The following SLC9A9 variants were observed in gnomAD, a reference collection of about 807,000 sequenced individuals.
The protein encoded by SLC9A9 is sodium/hydrogen exchanger 9.
SLC9A9 carries 62 observed loss-of-function variants against 77.8 expected under a neutral mutation model. The observed-to-expected ratio is 0.80, with a 90% CI of 0.65 to 0.98. SLC9A9 has a LOEUF of 0.98. Ranked by LOEUF, SLC9A9 falls within the 50% of genes least tolerant of loss-of-function variation. The pLI, the probability that SLC9A9 is intolerant of heterozygous loss-of-function variation, is 0.00. For missense variants in SLC9A9, 775 were observed against 774.9 expected, an observed-to-expected ratio of 1.00 and a Z score of 0.00; for synonymous variants, 320 against 283.5, an observed-to-expected ratio of 1.13 and a Z score of -1.29.
At chr3:143,692,436 G>T (rs1019815368) in intron 5 of SLC9A9, among the ~76,000 whole-genome samples, 1 of 152,088 alleles carries the variant, frequency 6.6e-6, no homozygotes, top group Non-Finnish European at 1.5e-5. Flanking sequence ...TAATATGATT[G>T]CTAGAATTTG....
chr3:143,311,291 A>G (rs2108437494), intron 14 of SLC9A9, among the ~76,000 whole-genome samples: 1 of 152,376 alleles, frequency 6.6e-6, no homozygotes, highest in South Asian at 2.1e-4. Context: ...ACAGTTGGCC[A>G]GACTTTTCAT....
At position 143,578,886 on chromosome 3, in the gene SLC9A9, G is replaced by A. The variant is rs1309603534; in HGVS notation, c.756-163C>T. On this transcript the variant is annotated intron_variant, in intron 6 of 15. Transcript: ENST00000316549. Reference sequence around the variant, plus strand: ...CAGAAGGGGAGAGTTGGAGAATGCAGAAATCTTTCTGCTTCCTTATAGCCC... The same window carrying A: ...CAGAAGGGGAGAGTTGGAGAATGCAAAAATCTTTCTGCTTCCTTATAGCCC... 1.3e-5 allele frequency among the ~76,000 whole-genome samples: 2 copies of A among 152,156 alleles called. 1 individual carries two copies. Among genetic ancestry groups the A allele is most frequent in the East Asian group, 3.9e-4 (2 of 5,188 alleles).
intron 4 of SLC9A9, among the ~76,000 whole-genome samples, chr3:143,772,629 T>G (rs2007563381): frequency 6.6e-6 from 1 of 152,164 alleles, no homozygotes; most frequent in Non-Finnish European, 1.5e-5. Context: ...TAAACACTCT[T>G]AGATAAATAC....
chr3:143,706,038 G>A (rs143363285), intron 4 of SLC9A9, among the ~76,000 whole-genome samples: 17 of 152,288 alleles, frequency 1.1e-4, no homozygotes, highest in Admixed American at 2.6e-4. Flanking sequence ...GGAACACAGC[G>A]TATTTACTGA....
intron 14 of SLC9A9, among the ~76,000 whole-genome samples, chr3:143,360,482 T>C (rs1325173427): frequency 3.3e-5 from 5 of 152,220 alleles, no homozygotes; most frequent in African/African-American, 4.8e-5. Context: ...GTAGTACACT[T>C]GTGTTGTTAT....
At chr3:143,497,475 T>C (rs944530044) in intron 9 of SLC9A9, among the ~76,000 whole-genome samples, 15 of 152,162 alleles carry the variant, frequency 9.9e-5, no homozygotes, top group Non-Finnish European at 1.8e-4. Flanking sequence ...GAAAATTCCA[T>C]TTGAATTCAA....
chr3:143,601,044 A>G (rs2037837768), intron 6 of SLC9A9, among the ~76,000 whole-genome samples: 1 of 152,214 alleles, frequency 6.6e-6, no homozygotes, highest in Non-Finnish European at 1.5e-5. Context: ...TCTCTTAGAC[A>G]TGGGAAGTTG....
At chr3:143,756,809 C>T (rs1464244147) in intron 4 of SLC9A9, among the ~76,000 whole-genome samples, 1 of 152,136 alleles carries the variant, frequency 6.6e-6, no homozygotes, top group Non-Finnish European at 1.5e-5. Flanking sequence ...GTACACAATC[C>T]ATTCTTTGGT....
chr3:143,844,231 A>T (rs969454147), intron 1 of SLC9A9, among the ~76,000 whole-genome samples: 2 of 152,168 alleles, frequency 1.3e-5, no homozygotes, highest in African/African-American at 2.4e-5. Flanking sequence ...AAGAAATATA[A>T]AAGAACATTA....
intron 9 of SLC9A9, among the ~76,000 whole-genome samples, chr3:143,551,727 G>T (rs1440728): frequency 1 from 152,094 of 152,362 alleles, 75,913 homozygotes; most frequent in Middle Eastern, 1. Context: ...AGTTGTTTGC[G>T]ACACATCTGT....
At position 143,493,664 on chromosome 3, in the gene SLC9A9, A is replaced by G. The variant is rs755786076; in HGVS notation, c.1304T>C (p.Met435Thr). The G allele has an allele frequency of 6.2e-7, 1 of 1,613,176 alleles. No homozygotes were observed. The highest frequency in any genetic ancestry group is 1.7e-5 in the Admixed American group (1 of 60,022). Reference sequence around the variant, plus strand: ...CATAGTTCACATACCTGAAAACATCATCATGTGCTGAAAGTTCCAGGGGAT... The same window carrying G: ...CATAGTTCACATACCTGAAAACATCGTCATGTGCTGAAAGTTCCAGGGGAT... ...QKIPWNFQHM[M>T]MFSGLRGAIA... Residue 435 changes from methionine (M) to threonine (T), a missense_variant, in exon 11 of 16, where the codon ATG (methionine) becomes ACG (threonine). Coordinates refer to ENST00000316549, the MANE Select transcript of SLC9A9 (RefSeq NM_173653.4).
chr3:143,563,888 G>A (rs996748838), intron 8 of SLC9A9, among the ~76,000 whole-genome samples: 3 of 151,980 alleles, frequency 2.0e-5, no homozygotes, highest in Non-Finnish European at 4.4e-5. Flanking sequence ...AATTGCATGG[G>A]GTTTAACAGC....
At chr3:143,772,022 A>G (rs2007537161) in intron 4 of SLC9A9, among the ~76,000 whole-genome samples, 3 of 141,622 alleles carry the variant, frequency 2.1e-5, no homozygotes, top group Admixed American at 1.4e-4. Context: ...CATCCCCAGA[A>G]TGTGTGTGTG....
chr3:143,336,242 G>A (rs2031918882), intron 14 of SLC9A9, among the ~76,000 whole-genome samples: 1 of 152,116 alleles, frequency 6.6e-6, no homozygotes, highest in Admixed American at 6.5e-5. Context: ...CAGAAAATAA[G>A]TGTTGATGAG....
chr3:143,757,439 A>G (rs1219444783), intron 4 of SLC9A9, among the ~76,000 whole-genome samples: 1 of 152,168 alleles, frequency 6.6e-6, no homozygotes, highest in African/African-American at 2.4e-5. Context: ...CTCAATGGCC[A>G]TTTTGTGACT....
intron 11 of SLC9A9, among the ~76,000 whole-genome samples, chr3:143,472,526 T>A (rs2035395824): frequency 6.6e-6 from 1 of 152,214 alleles, no homozygotes; most frequent in Non-Finnish European, 1.5e-5. Context: ...AGAGCTCAAA[T>A]GAGACACTGT....
At chr3:143,294,101 A>C (rs112933337) in intron 14 of SLC9A9, among the ~76,000 whole-genome samples, 7,149 of 152,340 alleles carry the variant, frequency 0.047, 206 homozygotes, top group South Asian at 0.065. Context: ...AAGTTGGATA[A>C]AAAAATCAAT....
At position 143,417,147 on chromosome 3, in the gene SLC9A9, A is replaced by C. The variant is rs552603321; in HGVS notation, c.1470-35033T>G. Among the ~76,000 whole-genome samples the C allele has an allele frequency of 4.6e-5, 7 of 152,184 alleles. 1 individual carries two copies. In the South Asian group the frequency reaches 8.3e-4, roughly 18 times the overall value. Reference sequence around the variant, plus strand: ...AGGAAAGGGAGTGAGAAGGGAGAGAATCTATTGCTCAGGGGAGGAGTCTGC... The same window carrying C: ...AGGAAAGGGAGTGAGAAGGGAGAGACTCTATTGCTCAGGGGAGGAGTCTGC... On this transcript the variant is annotated intron_variant, in intron 12 of 15. Transcript: ENST00000316549.
At chr3:143,395,866 C>G (rs1190835617) in intron 12 of SLC9A9, among the ~76,000 whole-genome samples, 1 of 152,174 alleles carries the variant, frequency 6.6e-6, no homozygotes, top group East Asian at 1.9e-4. Flanking sequence ...CATCACTGGC[C>G]ATCAGAGAAA....
Sources: gnomAD v4.1 joint callset for allele counts (sites outside exome capture counted in the v4.1 genomes callset) on GRCh38, gnomAD v4.1.1 for gene constraint, MANE v1.5 for transcripts, NCBI Gene and HGNC (gene_info 2026-07-23, HGNC 2026-07-21) for gene names.